ZEB1: variants seen among roughly 807,000 people sequenced by gnomAD.
The protein encoded by ZEB1 is zinc finger E-box-binding homeobox 1.
ZEB1 carries 21 observed loss-of-function variants against 84.9 expected under a neutral mutation model. The ratio of observed to expected loss-of-function variants is 0.25; its 90% CI spans 0.18 to 0.36. The LOEUF (loss-of-function observed/expected upper bound fraction) is 0.36. Ranked by LOEUF, ZEB1 falls within the 10% of genes least tolerant of loss-of-function variation. ZEB1 has a pLI of 1.00. For missense variants in ZEB1, 1,104 were observed against 1,330.2 expected (o/e 0.83, Z 2.65); for synonymous variants, 420 against 471.1 (o/e 0.89, Z 1.41).
chr10:31,466,438 C>T (rs1414769154), intron 2 of ZEB1, among the ~76,000 whole-genome samples: 1 of 152,076 alleles, frequency 6.6e-6, no homozygotes, highest in Non-Finnish European at 1.5e-5. Flanking sequence ...GGCATGAAAC[C>T]ATAAATCCGT....
intron 1 of ZEB1, among the ~76,000 whole-genome samples, chr10:31,449,076 G>T (rs534249420): frequency 6.6e-6 from 1 of 152,250 alleles, no homozygotes; most frequent in Non-Finnish European, 1.5e-5. Context: ...CTCCGTGGGC[G>T]TAGGACCCTC....
intron 1 of ZEB1, among the ~76,000 whole-genome samples, chr10:31,445,312 T>G (rs926448066): frequency 6.7e-5 from 10 of 149,640 alleles, no homozygotes; most frequent in Admixed American, 1.3e-4. Flanking sequence ...AAGGAGATTT[T>G]GGGCTGAGAC....
chr10:31,376,368 G>A (rs191636188), intron 1 of ZEB1, among the ~76,000 whole-genome samples: 17 of 151,788 alleles, frequency 1.1e-4, no homozygotes, highest in South Asian at 6.2e-4. Flanking sequence ...TTAGACTGAC[G>A]TTCTTTGCAG....
chr10:31,396,262 T>G (rs557004451), intron 1 of ZEB1, among the ~76,000 whole-genome samples: 42 of 152,304 alleles, frequency 2.8e-4, no homozygotes, highest in African/African-American at 9.1e-4. Context: ...CCTAAGATGA[T>G]GATGGTGAGA....
chr10:31,339,971 C>A (rs11815088), intron 1 of ZEB1, among the ~76,000 whole-genome samples: 1 of 152,014 alleles, frequency 6.6e-6, no homozygotes, highest in African/African-American at 2.4e-5. Context: ...TTAGATAAAT[C>A]CATATCAACA....
chr10:31,458,864 G>C (rs1404997142), intron 1 of ZEB1, among the ~76,000 whole-genome samples: 1 of 152,090 alleles, frequency 6.6e-6, no homozygotes, highest in Non-Finnish European at 1.5e-5. Flanking sequence ...TATCCAGAGG[G>C]AAATAAGAAA....
intron 1 of ZEB1, among the ~76,000 whole-genome samples, chr10:31,415,353 T>C (rs1407963386): frequency 1.3e-5 from 2 of 152,106 alleles, no homozygotes; most frequent in Non-Finnish European, 2.9e-5. Flanking sequence ...CTACTACTTC[T>C]ACTAATCACG....
intron 2 of ZEB1, among the ~76,000 whole-genome samples, chr10:31,493,904 A>AG (rs1193470457): frequency 6.6e-6 from 1 of 152,128 alleles, no homozygotes; most frequent in African/African-American, 2.4e-5. Context: ...ATTTATCCCA[A>AG]GGGGGGATGA....
At chr10:31,497,498 C>T (rs1000867251) in intron 3 of ZEB1, among the ~76,000 whole-genome samples, 3 of 152,112 alleles carry the variant, frequency 2.0e-5, no homozygotes, top group African/African-American at 7.2e-5. Context: ...TCGCCTGGAA[C>T]ATGGGGAGTT....
At chr10:31,429,738 T>A (rs1272302128) in intron 1 of ZEB1, among the ~76,000 whole-genome samples, 18 of 135,208 alleles carry the variant, frequency 1.3e-4, no homozygotes, top group African/African-American at 4.7e-4. Context: ...CAGAACTTTT[T>A]TTTTTTTTTT....
Position 31,523,959 on chromosome 10 carries a change from A to C in ZEB1, c.2631A>C (p.Glu877Asp). ...NQDERQDTSSEGVSNVEDQND... is the reference protein window; with the variant it reads ...NQDERQDTSSDGVSNVEDQND... The stretch of plus-strand genomic sequence containing the variant: ...ATGAAAGACAAGATACTAGCTCAGA[A>C]GGAGTATCAAATGTAGAGGATCAGA... The change falls in exon 8 of 9, where the codon GAA becomes GAC. Residue 877 changes from glutamate to aspartate, a missense_variant. Around this residue, in one of 7 missense-constraint regions of ZEB1, gnomAD observed 531 missense variants for 575.2 expected, o/e 0.92. Transcript: ENST00000424869. 6.2e-7 allele frequency: 1 copy of C among 1,613,986 alleles called. No individual in the cohort carries two copies. Among genetic ancestry groups the C allele is most frequent in the South Asian group, 1.1e-5 (1 of 91,080 alleles).
chr10:31,423,740 T>G (rs2056543639), intron 1 of ZEB1, among the ~76,000 whole-genome samples: 1 of 152,036 alleles, frequency 6.6e-6, no homozygotes. Context: ...ACTTCAGGGT[T>G]TTTAGTTTGA....
At chr10:31,444,824 G>A (rs1204417319) in intron 1 of ZEB1, among the ~76,000 whole-genome samples, 3 of 151,500 alleles carry the variant, frequency 2.0e-5, no homozygotes, top group African/African-American at 2.4e-5. Flanking sequence ...TAGCCTTGTA[G>A]TATAGTTTGA....
chr10:31,327,311 A>G (rs1157582931), intron 1 of ZEB1, among the ~76,000 whole-genome samples: 3 of 151,988 alleles, frequency 2.0e-5, no homozygotes, highest in African/African-American at 7.2e-5. Context: ...GGGTTTTGCC[A>G]TGTTAGCCAG....
intron 1 of ZEB1, chr10:31,389,495 C>CT (rs777876226): frequency 3.9e-5 from 6 of 152,014 alleles, no homozygotes; most frequent in African/African-American, 7.2e-5. Context: ...ATGCTAGTCC[C>CT]TACTATAAAT....
chr10:31,423,414 A>T lies in ZEB1; in HGVS notation c.59-37623A>T, dbSNP rs150007217. ...GCATTTCTACAACCAGGTGAAGGAAATGATTAAGTAGAAATTGGGACTTGC... is the reference window on the plus strand; with the variant it reads ...GCATTTCTACAACCAGGTGAAGGAATTGATTAAGTAGAAATTGGGACTTGC... On this transcript the variant is annotated intron_variant, in intron 1 of 8. Transcript: ENST00000424869. 3.6e-3 allele frequency among the ~76,000 whole-genome samples: 555 copies of T among 152,276 alleles called. 3 individuals carry two copies. The highest frequency in any genetic ancestry group is 0.013 in the African/African-American group (536 of 41,564).
intron 1 of ZEB1, among the ~76,000 whole-genome samples, chr10:31,422,052 C>T (rs939841180): frequency 6.6e-6 from 1 of 152,072 alleles, no homozygotes; most frequent in Admixed American, 6.6e-5. Context: ...GCCATCCTTT[C>T]TGGACGGGGT....
chr10:31,386,136 G>A lies in ZEB1; in HGVS notation c.58+66844G>A, dbSNP rs186049397. ...ATGGATGAAAACAGTTAATACTAAA[G>A]CATTAAGAAGGTATATTGCTTTTCA... On this transcript the variant is annotated intron_variant, in intron 1 of 8. Transcript: ENST00000424869. Among the ~76,000 whole-genome samples, 4 of 151,818 alleles carry A rather than the reference G, an allele frequency of 2.6e-5. No individual in the cohort carries two copies. In the East Asian group the frequency reaches 7.7e-4, roughly 29 times the overall value.
At chr10:31,318,992 C>T (rs1280103504), upstream of ZEB1, 4 of 572,570 alleles carry the variant, frequency 7.0e-6, no homozygotes, top group South Asian at 5.6e-5. Flanking sequence ...GAAAACTTTT[C>T]CCTCGCCCCT....
Sources: allele counts gnomAD v4.1 joint callset (sites outside exome capture counted in the v4.1 genomes callset), GRCh38; gene constraint gnomAD v4.1.1; regional missense constraint gnomAD v4.1.1; transcripts MANE v1.5; gene names NCBI Gene and HGNC (gene_info 2026-07-23, HGNC 2026-07-21).